CYRIB: variants seen among roughly 807,000 people sequenced by gnomAD.
CYRIB encodes the protein CYFIP-related Rac1 interactor B.
Under a neutral mutation model 44.2 loss-of-function variants are expected in CYRIB, and 8 were observed. The ratio of observed to expected loss-of-function variants is 0.18; its 90% CI spans 0.11 to 0.33. The LOEUF is 0.33. Among genes scored for constraint, CYRIB ranks in the 10% least tolerant of loss-of-function variants. The probability of loss-of-function intolerance (pLI) is 1.00; values close to 1 mark genes in which losing one functional copy is unlikely to be tolerated. For missense variants in CYRIB, 185 were observed against 382.8 expected, an observed-to-expected ratio of 0.48 and a Z score of 4.31; for synonymous variants, 131 against 127.2, an observed-to-expected ratio of 1.03 and a Z score of -0.20.
At chr8:129,945,203 A>G (rs2094049788) in intron 2 of CYRIB, among the ~76,000 whole-genome samples, 1 of 152,264 alleles carries the variant, frequency 6.6e-6, no homozygotes, top group African/African-American at 2.4e-5. Context: ...CTGAGGTCCA[A>G]GTTTCCACAG....
At chr8:129,925,699 CAGAT>C (rs1397794239) in intron 1 of CYRIB, among the ~76,000 whole-genome samples, 6 of 152,218 alleles carry the variant, frequency 3.9e-5, no homozygotes, top group African/African-American at 1.4e-4. Context: ...GCTGCCAAAG[CAGAT>C]AGTCTCTCTT....
intron 1 of CYRIB, among the ~76,000 whole-genome samples, chr8:129,928,137 G>A (rs1181355266): frequency 6.7e-6 from 1 of 149,104 alleles, no homozygotes; most frequent in Admixed American, 6.6e-5. Context: ...AAAAAAAAAA[G>A]TTAAACTAGA....
chr8:129,914,424 C>T (rs2079667661), intron 1 of CYRIB, among the ~76,000 whole-genome samples: 1 of 152,098 alleles, frequency 6.6e-6, no homozygotes, highest in African/African-American at 2.4e-5. Flanking sequence ...AGCAAAAATC[C>T]TTCATATTAA....
chr8:129,993,053 G>A (rs1236373785), intron 1 of CYRIB, among the ~76,000 whole-genome samples: 4 of 152,176 alleles, frequency 2.6e-5, no homozygotes, highest in African/African-American at 4.8e-5. Context: ...CAGGGTAACC[G>A]TGGTTGCAAG....
upstream of CYRIB, among the ~76,000 whole-genome samples, chr8:129,944,755 C>A (rs1388813900): frequency 6.6e-6 from 1 of 151,940 alleles, no homozygotes; most frequent in Non-Finnish European, 1.5e-5. Flanking sequence ...TGCACTCCAG[C>A]CTGGGCAACG....
chr8:129,849,606 G>A (rs2042185290), intron 9 of CYRIB: 1 of 357,698 alleles, frequency 2.8e-6, no homozygotes, highest in Non-Finnish European at 5.1e-6. Flanking sequence ...TCAACTTTCA[G>A]CTGATGCTGA....
At chr8:129,907,150 C>T (rs892534398) in intron 1 of CYRIB, among the ~76,000 whole-genome samples, 4 of 152,148 alleles carry the variant, frequency 2.6e-5, no homozygotes, top group Non-Finnish European at 4.4e-5. Flanking sequence ...CACATGCACA[C>T]GTATGTTTAT....
At chr8:129,979,812 T>A (rs1001768820) in intron 1 of CYRIB, among the ~76,000 whole-genome samples, 1 of 151,990 alleles carries the variant, frequency 6.6e-6, no homozygotes, top group South Asian at 2.1e-4. Flanking sequence ...TCCCAGCTAT[T>A]TGGGAGGCTG....
intron 1 of CYRIB, among the ~76,000 whole-genome samples, chr8:129,935,747 A>G (rs1423789190): frequency 5.3e-5 from 8 of 152,320 alleles, no homozygotes; most frequent in South Asian, 2.1e-4. Flanking sequence ...TGTCACATAC[A>G]ATAGTACCTT....
intron 1 of CYRIB, among the ~76,000 whole-genome samples, chr8:129,914,324 CA>C (rs2079622601): frequency 6.6e-6 from 1 of 152,182 alleles, no homozygotes; most frequent in Admixed American, 6.6e-5. Context: ...ACTAAATATG[CA>C]GCCAGAGGAA....
rs34764499 is a variant in CYRIB at position 129,883,112 on chromosome 8, C to CAAAAAAAAA, written c.-10-3650_-10-3642dup. 3.2e-3 allele frequency among the ~76,000 whole-genome samples: 132 copies of CAAAAAAAAA among 41,258 alleles called. 10 individuals carry two copies. The highest frequency in any genetic ancestry group is 0.012 in the African/African-American group (124 of 10,354). 27.1% of individuals were successfully genotyped at this position (41,258 alleles called of 152,430 possible). Reference sequence around the variant, plus strand: ...TAGGCAACAGAGCTAGACTCCCTCTCAAAAAAAAAAAAAAAAAAAAAAAAA... The same window carrying CAAAAAAAAA: ...TAGGCAACAGAGCTAGACTCCCTCTCAAAAAAAAAAAAAAAAAAAAAAAAAAAAAAAAAA... On this transcript the variant is annotated intron_variant, in intron 2 of 11. Coordinates refer to ENST00000519824, the Ensembl canonical transcript of CYRIB.
At chr8:129,898,381 T>C (rs1031156617) in intron 2 of CYRIB, among the ~76,000 whole-genome samples, 1 of 152,196 alleles carries the variant, frequency 6.6e-6, no homozygotes. Flanking sequence ...AAAAAACTTT[T>C]TTAAGAAAAG....
chr8:129,861,566 G>C lies in CYRIB; in HGVS notation c.301+663C>G, dbSNP rs188931928. On this transcript the variant is annotated intron_variant, in intron 5 of 11. Transcript: ENST00000519824. Reference sequence around the variant, plus strand: ...TGATCCTCCCACCTCAGCCTCCAGAGTAGATGAGACCACAAGCATGTGCCA... The same window carrying C: ...TGATCCTCCCACCTCAGCCTCCAGACTAGATGAGACCACAAGCATGTGCCA... Among the ~76,000 whole-genome samples the C allele has an allele frequency of 4.6e-4, 70 of 151,816 alleles. No individual in the cohort carries two copies. The South Asian group carries it at 0.01, about 22-fold the overall frequency.
At chr8:129,958,163 A>G (rs1446799752) in intron 2 of CYRIB, among the ~76,000 whole-genome samples, 1 of 152,082 alleles carries the variant, frequency 6.6e-6, no homozygotes, top group East Asian at 1.9e-4. Flanking sequence ...CTCTGGGGAA[A>G]AAAAATATTA....
intron 2 of CYRIB, among the ~76,000 whole-genome samples, chr8:129,891,854 A>G (rs944907207): frequency 2.0e-5 from 3 of 152,228 alleles, no homozygotes; most frequent in African/African-American, 4.8e-5. Flanking sequence ...TTCATATTAT[A>G]GAATGAAAAA....
intron 3 of CYRIB, among the ~76,000 whole-genome samples, chr8:129,876,076 G>A (rs2059010522): frequency 6.6e-6 from 1 of 151,032 alleles, no homozygotes; most frequent in Non-Finnish European, 1.5e-5. Context: ...TCATGCCATT[G>A]CACTCCAGCT....
chr8:129,860,643 A>T (rs1361440592), intron 5 of CYRIB, among the ~76,000 whole-genome samples: 2 of 152,136 alleles, frequency 1.3e-5, no homozygotes, highest in African/African-American at 4.8e-5. Flanking sequence ...TTTTTTTAAG[A>T]ACATAGGCAT....
chr8:129,875,518 G>A (rs913674922), intron 3 of CYRIB, among the ~76,000 whole-genome samples: 1 of 152,096 alleles, frequency 6.6e-6, no homozygotes, highest in African/African-American at 2.4e-5. Context: ...GCTCGATTGA[G>A]TGCTTTTTAT....
intron 2 of CYRIB, chr8:129,947,822 A>G (rs1473960931): frequency 2.0e-5 from 3 of 152,210 alleles, no homozygotes; most frequent in Admixed American, 6.5e-5. Flanking sequence ...TCCACCTCAC[A>G]GTTTATCAAC....
Sources: allele counts gnomAD v4.1 joint callset (sites outside exome capture counted in the v4.1 genomes callset), GRCh38; gene constraint gnomAD v4.1.1; transcripts MANE v1.5; gene names NCBI Gene and HGNC (gene_info 2026-07-23, HGNC 2026-07-21).